The following GRID2 variants were observed in gnomAD, a reference collection of about 807,000 sequenced individuals.
The protein encoded by GRID2 is glutamate receptor ionotropic, delta-2.
Under a neutral mutation model 114.8 loss-of-function variants are expected in GRID2, and 33 were observed. That is an observed-to-expected ratio of 0.29 (90% confidence interval 0.22 to 0.38). GRID2 has a LOEUF of 0.38. GRID2 is among the 10% of genes least tolerant of loss of function. The pLI, the probability that GRID2 is intolerant of heterozygous loss-of-function variation, is 1.00. For missense variants in GRID2, 1,184 were observed against 1,257.7 expected (o/e 0.94, Z 0.89); for synonymous variants, 505 against 449.9 (o/e 1.12, Z -1.55).
intron 1 of GRID2, among the ~76,000 whole-genome samples, chr4:92,387,937 C>T (rs531218493): frequency 1.3e-5 from 2 of 151,996 alleles, no homozygotes; most frequent in Non-Finnish European, 2.9e-5. Flanking sequence ...CCTTCCAAGT[C>T]TAGCTGGATT....
intron 4 of GRID2, among the ~76,000 whole-genome samples, chr4:93,162,249 A>C (rs1737757215): frequency 6.6e-6 from 1 of 151,982 alleles, no homozygotes; most frequent in Admixed American, 6.6e-5. Flanking sequence ...GTTACCATAA[A>C]TTAACACTGA....
chr4:92,668,020 G>C (rs1373017072), intron 2 of GRID2, among the ~76,000 whole-genome samples: 1 of 151,768 alleles, frequency 6.6e-6, no homozygotes, highest in African/African-American at 2.4e-5. Flanking sequence ...TGAAAAAGCA[G>C]AAATGCTGTC....
At chr4:92,940,102 GAA>G (rs1750991511) in intron 2 of GRID2, among the ~76,000 whole-genome samples, 1 of 147,148 alleles carries the variant, frequency 6.8e-6, no homozygotes, top group Admixed American at 7.3e-5. Flanking sequence ...ATTCTGTGAA[GAA>G]AGTCATTGGT....
chr4:92,438,038 A>C (rs1732823293), intron 1 of GRID2, among the ~76,000 whole-genome samples: 1 of 152,190 alleles, frequency 6.6e-6, no homozygotes, highest in Non-Finnish European at 1.5e-5. Flanking sequence ...AGTGTGCCAC[A>C]ATAAATAATC....
chr4:92,942,466 T>C (rs991377958), intron 2 of GRID2, among the ~76,000 whole-genome samples: 1 of 152,202 alleles, frequency 6.6e-6, no homozygotes, highest in African/African-American at 2.4e-5. Flanking sequence ...TGTGTGTCTC[T>C]GCATGTGAGG....
At chr4:92,482,441 C>G (rs1722661974) in intron 1 of GRID2, among the ~76,000 whole-genome samples, 1 of 151,948 alleles carries the variant, frequency 6.6e-6, no homozygotes, top group African/African-American at 2.4e-5. Flanking sequence ...CTGCATCTAA[C>G]TTAAAAGTTA....
chr4:93,124,888 A>T (rs1274413749), intron 4 of GRID2, among the ~76,000 whole-genome samples: 1 of 152,196 alleles, frequency 6.6e-6, no homozygotes, highest in Non-Finnish European at 1.5e-5. Flanking sequence ...AATTAAACTT[A>T]TATGTGTCTA....
chr4:92,837,714 C>A (rs1389112464), intron 2 of GRID2, among the ~76,000 whole-genome samples: 1 of 151,932 alleles, frequency 6.6e-6, no homozygotes, highest in Non-Finnish European at 1.5e-5. Context: ...TATACTGTAC[C>A]TTTCCATGTT....
chr4:92,959,167 C>A (rs981434221), intron 2 of GRID2, among the ~76,000 whole-genome samples: 3 of 140,506 alleles, frequency 2.1e-5, no homozygotes, highest in African/African-American at 8.0e-5. Flanking sequence ...TCTCTATTGG[C>A]TTCCTGTTTT....
intron 4 of GRID2, among the ~76,000 whole-genome samples, chr4:93,182,298 T>C (rs1289119702): frequency 1.6e-5 from 2 of 122,602 alleles, no homozygotes. Context: ...TTTCTGAAAA[T>C]ATCTAATGAT....
chr4:92,492,968 A>C (rs1723213888), intron 1 of GRID2, among the ~76,000 whole-genome samples: 1 of 151,906 alleles, frequency 6.6e-6, no homozygotes, highest in Non-Finnish European at 1.5e-5. Flanking sequence ...GTCTCTACTA[A>C]AAATACAAAA....
In GRID2 at chr4:92,760,302, C is replaced by T. The variant is rs1014709714; in HGVS notation, c.244+170016C>T. Among the ~76,000 whole-genome samples the T allele has an allele frequency of 3.3e-5, 5 of 150,490 alleles. 1 individual carries two copies. In the Middle Eastern group the frequency reaches 0.018, roughly 530 times the overall value. The stretch of plus-strand genomic sequence containing the variant: ...AAGAAGTCAGTTAGTGTCAGAGATG[C>T]TGTGCTGTTCCACCCAGATCTCCTT... On this transcript the variant is annotated intron_variant, in intron 2 of 15. Transcript: ENST00000282020.
chr4:93,602,401 A>C (rs1414821191), intron 13 of GRID2, among the ~76,000 whole-genome samples: 1 of 152,196 alleles, frequency 6.6e-6, no homozygotes, highest in African/African-American at 2.4e-5. Flanking sequence ...TTGTGTGTTC[A>C]GTAAATTAAA....
intron 14 of GRID2, among the ~76,000 whole-genome samples, chr4:93,670,422 T>G (rs965936714): frequency 6.6e-6 from 1 of 152,180 alleles, no homozygotes; most frequent in Non-Finnish European, 1.5e-5. Flanking sequence ...ATAGCAACCA[T>G]GACCAAATAG....
intron 1 of GRID2, among the ~76,000 whole-genome samples, chr4:92,439,990 C>T (rs1223871886): frequency 6.9e-6 from 1 of 145,452 alleles, no homozygotes; most frequent in Non-Finnish European, 1.6e-5. Flanking sequence ...TTTGGGGGCA[C>T]AGTCTAAGTT....
chr4:92,890,777 G>C (rs1005711860), intron 2 of GRID2, among the ~76,000 whole-genome samples: 4 of 152,132 alleles, frequency 2.6e-5, no homozygotes, highest in Non-Finnish European at 5.9e-5. Context: ...ATACCCAAAG[G>C]CTTTTAAGTC....
At chr4:93,546,251 A>C (rs2149534916) in intron 13 of GRID2, among the ~76,000 whole-genome samples, 1 of 152,328 alleles carries the variant, frequency 6.6e-6, no homozygotes, top group Admixed American at 6.5e-5. Context: ...TGCTTATTCG[A>C]GCGCCAAGTG....
chr4:92,747,116 T>C (rs1237236959), intron 2 of GRID2, among the ~76,000 whole-genome samples: 2 of 152,054 alleles, frequency 1.3e-5, no homozygotes, highest in Admixed American at 1.3e-4. Flanking sequence ...TATCTAACTA[T>C]AGATAAATCC....
intron 9 of GRID2, among the ~76,000 whole-genome samples, chr4:93,419,044 T>C (rs1168578013): frequency 6.7e-6 from 1 of 149,800 alleles, no homozygotes; most frequent in Non-Finnish European, 1.5e-5. Flanking sequence ...AAAAAAGATA[T>C]AGCTGGTAAT....
Sources: allele counts gnomAD v4.1 joint callset (sites outside exome capture counted in the v4.1 genomes callset), GRCh38; gene constraint gnomAD v4.1.1; transcripts MANE v1.5; gene names NCBI Gene and HGNC (gene_info 2026-07-23, HGNC 2026-07-21).